The following DOCK1 variants were observed in gnomAD, a reference collection of about 807,000 sequenced individuals.
DOCK1 encodes dedicator of cytokinesis protein 1.
A neutral mutation model predicts 262.7 loss-of-function variants in DOCK1; 138 were observed. The observed-to-expected ratio is 0.53, with a 90% CI of 0.46 to 0.61. DOCK1 has a LOEUF of 0.61. DOCK1 is among the 20% of genes least tolerant of loss of function. DOCK1 has a pLI of 0.00. For synonymous variants in DOCK1, 866 were observed against 867.4 expected, an observed-to-expected ratio of 1.00 and a Z score of 0.03; for missense variants, 1,908 against 2,370.7, an observed-to-expected ratio of 0.80 and a Z score of 4.05.
rs149196109 is a variant in DOCK1 at position 127,244,650 on chromosome 10, A to G, written c.2848-3358A>G. ...TGAGGTTCACTTTTTTTTGTTGTTT[A>G]TTAGGCATTTAGTGTCCTGGTTTTT... is the stretch of plus-strand genomic sequence containing the variant. On this transcript the variant is annotated intron_variant, in intron 27 of 51. Transcript: ENST00000623213. Among the ~76,000 whole-genome samples the G allele has an allele frequency of 1.8e-4, 28 of 152,104 alleles. 1 individual carries two copies. The East Asian group carries it at 5.4e-3, about 29-fold the overall frequency.
At chr10:127,170,087 A>G (rs2133818381) in intron 27 of DOCK1, among the ~76,000 whole-genome samples, 1 of 152,012 alleles carries the variant, frequency 6.6e-6, no homozygotes. Flanking sequence ...GAGGATGAAC[A>G]GAACCCCTGC....
rs2055155320 is a variant in DOCK1, at chr10:127,176,361, G to T, written c.2847+48597G>T. ...GGGTTCCACTTCACTCTCCGACGTTGTGAGTATGCATTTGCCGGTGTCCTT... is the reference window on the plus strand; with the variant it reads ...GGGTTCCACTTCACTCTCCGACGTTTTGAGTATGCATTTGCCGGTGTCCTT... On this transcript the variant is annotated intron_variant, in intron 27 of 51. Transcript: ENST00000623213. The surrounding 1 kb of genome is among the most constrained non-coding windows in gnomAD (Gnocchi z 4.4). 1 of 1,612,684 alleles carries T rather than the reference G, an allele frequency of 6.2e-7. No homozygotes were observed. Among genetic ancestry groups the T allele is most frequent in the Non-Finnish European group, 8.5e-7 (1 of 1,179,628 alleles).
At chr10:127,107,375 G>A (rs2048595268) in intron 24 of DOCK1, among the ~76,000 whole-genome samples, 1 of 152,118 alleles carries the variant, frequency 6.6e-6, no homozygotes, top group African/African-American at 2.4e-5. Flanking sequence ...AAGGGCGAGG[G>A]GCTCTCTGGG....
intron 33 of DOCK1, among the ~76,000 whole-genome samples, chr10:127,362,947 A>ACGCACATCCCGACACACACG (rs1565027075): frequency 7.2e-6 from 1 of 139,206 alleles, no homozygotes; most frequent in Non-Finnish European, 1.5e-5. Flanking sequence ...CCCCACACAC[A>ACGCACATCCCGACACACACG]TACACATGTG....
chr10:127,029,659 C>G (rs1351614501), intron 16 of DOCK1, among the ~76,000 whole-genome samples: 3 of 152,182 alleles, frequency 2.0e-5, no homozygotes, highest in Non-Finnish European at 4.4e-5. Context: ...GTTCTGTAAA[C>G]TTGTCATATA....
chr10:126,925,728 G>A (rs1379763151), intron 1 of DOCK1, among the ~76,000 whole-genome samples: 1 of 34,248 alleles, frequency 2.9e-5, no homozygotes, highest in Admixed American at 3.6e-4. Flanking sequence ...CAGAGTCTGT[G>A]TGTGTGTGTG....
intron 31 of DOCK1, chr10:127,344,674 C>T (rs1202052188): frequency 1.3e-5 from 2 of 152,154 alleles, no homozygotes; most frequent in Non-Finnish European, 2.9e-5. Flanking sequence ...AAATCCAAAG[C>T]ACATCATCTC....
chr10:127,377,890 T>TC (rs1554959503), intron 35 of DOCK1, among the ~76,000 whole-genome samples: 6 of 62,498 alleles, frequency 9.6e-5, no homozygotes, highest in African/African-American at 4.0e-4. Context: ...AGACTCTGTC[T>TC]CAAAAAAAAA....
In DOCK1 at chr10:127,347,024, G is replaced by A. The variant is rs889866350; in HGVS notation, c.3224+3278G>A. Among the ~76,000 whole-genome samples the A allele has an allele frequency of 2.0e-5, 3 of 152,354 alleles. No individual in the cohort carries two copies. In the South Asian group the frequency reaches 6.2e-4, roughly 32 times the overall value. ...TCAGGCCACGCGGCACACACGTGTG[G>A]AGGGTCAGCCCTATTTGTTGTAGTC... On this transcript the variant is annotated intron_variant, in intron 31 of 51. Transcript: ENST00000623213.
chr10:126,942,412 C>T (rs1169078581), intron 1 of DOCK1, among the ~76,000 whole-genome samples: 7 of 152,114 alleles, frequency 4.6e-5, no homozygotes, highest in Admixed American at 1.3e-4. Context: ...GGTTTCTTTT[C>T]GAGTGGGGTG....
chr10:127,251,181 G>T (rs1245243981), intron 28 of DOCK1, among the ~76,000 whole-genome samples: 5 of 151,724 alleles, frequency 3.3e-5, no homozygotes, highest in Non-Finnish European at 7.4e-5. Flanking sequence ...TGGTCAGGCT[G>T]GTCTCCAACT....
chr10:127,098,618 G>A (rs138010421), intron 23 of DOCK1, among the ~76,000 whole-genome samples: 9 of 152,258 alleles, frequency 5.9e-5, no homozygotes, highest in East Asian at 1.9e-4. Context: ...TTCACATAGC[G>A]AGTGATGGAG....
At chr10:127,041,611 G>A (rs1328294650) in intron 19 of DOCK1, among the ~76,000 whole-genome samples, 1 of 152,204 alleles carries the variant, frequency 6.6e-6, no homozygotes, top group Non-Finnish European at 1.5e-5. Context: ...GTAAATCTGT[G>A]TTTAAGTTTT....
chr10:126,987,868 G>A (rs1317785373), intron 5 of DOCK1, among the ~76,000 whole-genome samples: 1 of 152,176 alleles, frequency 6.6e-6, no homozygotes, highest in African/African-American at 2.4e-5. Context: ...ACTGTAGGAT[G>A]TGTCTTTCCT....
At chr10:126,906,552 T>C (rs1293973485) in intron 1 of DOCK1, among the ~76,000 whole-genome samples, 1 of 152,172 alleles carries the variant, frequency 6.6e-6, no homozygotes, top group Non-Finnish European at 1.5e-5. Context: ...ACCGCCTGCC[T>C]CATCCAGGCC....
intron 28 of DOCK1, among the ~76,000 whole-genome samples, chr10:127,256,296 G>A (rs1340520862): frequency 6.6e-6 from 1 of 152,164 alleles, no homozygotes; most frequent in Non-Finnish European, 1.5e-5. Context: ...TGCTTATTTA[G>A]AACTTCGTAC....
Position 126,905,526 on chromosome 10 carries a change from C to T in DOCK1, c.9C>T (p.Arg3=). ...GCGGCTCCGGCGGCGCCATGACGCG[C>T]TGGGTGCCCACCAAGCGCGAGGAGA... MT[R]WVPTKREEKY... is the part of the protein sequence containing the mutation. The change falls in exon 1 of 52, where the codon CGC becomes CGT. Residue 3 remains arginine (R), a synonymous_variant. Transcript: ENST00000623213. 1.9e-6 allele frequency: 1 copy of T among 525,082 alleles called. No homozygotes were observed. Among genetic ancestry groups the T allele is most frequent in the Non-Finnish European group, 3.5e-6 (1 of 287,862 alleles). The allele number at this position is 525,082 out of a possible 1,614,324, so 32.5% of individuals were successfully genotyped here.
chr10:127,226,477 C>T (rs917652495), intron 27 of DOCK1, among the ~76,000 whole-genome samples: 2 of 147,456 alleles, frequency 1.4e-5, no homozygotes, highest in African/African-American at 2.5e-5. Flanking sequence ...GGCACAGTGG[C>T]TCACACCTGT....
intron 29 of DOCK1, among the ~76,000 whole-genome samples, chr10:127,262,177 T>G (rs1162446101): frequency 2.1e-5 from 3 of 143,462 alleles, no homozygotes; most frequent in African/African-American, 7.8e-5. Context: ...CATGTGGGTG[T>G]GTGTGTGTGT....
Sources: allele counts gnomAD v4.1 joint callset (sites outside exome capture counted in the v4.1 genomes callset), GRCh38; gene constraint gnomAD v4.1.1; non-coding constraint Gnocchi (gnomAD v3.1); transcripts MANE v1.5; gene names NCBI Gene and HGNC (gene_info 2026-07-23, HGNC 2026-07-21).